KIAA0586: variants seen among roughly 807,000 people sequenced by gnomAD.
KIAA0586 encodes the protein KIAA0586.
Under a neutral mutation model 169.8 loss-of-function variants are expected in KIAA0586, and 144 were observed. That is an observed-to-expected ratio of 0.85 (90% confidence interval 0.74 to 0.97). The LOEUF (loss-of-function observed/expected upper bound fraction) is 0.97, where lower values mean the gene tolerates loss of function less well. Ranked by LOEUF, KIAA0586 falls within the 50% of genes least tolerant of loss-of-function variation. The pLI, the probability that KIAA0586 is intolerant of heterozygous loss-of-function variation, is 0.00. For missense variants in KIAA0586, 1,854 were observed against 1,823.0 expected (o/e 1.02, Z -0.31); for synonymous variants, 625 against 612.4 (o/e 1.02, Z -0.30).
At chr14:58,435,387 T>A (rs1351522569) in intron 4 of KIAA0586, among the ~76,000 whole-genome samples, 1 of 152,226 alleles carries the variant, frequency 6.6e-6, no homozygotes, top group Non-Finnish European at 1.5e-5. Context: ...GGGTACGTAG[T>A]GTTGTACTTA....
At chr14:58,536,295 C>T (rs1411959107) in intron 29 of KIAA0586, among the ~76,000 whole-genome samples, 1 of 151,918 alleles carries the variant, frequency 6.6e-6, no homozygotes, top group African/African-American at 2.4e-5. Context: ...TCAACCCTGC[C>T]CCCCCTTCGC....
At chr14:58,552,004 G>A (rs1446686720), downstream of KIAA0586, among the ~76,000 whole-genome samples, 1 of 152,136 alleles carries the variant, frequency 6.6e-6, no homozygotes, top group Non-Finnish European at 1.5e-5. Context: ...GTGTGGCGTG[G>A]ATCCTCAGGG....
intron 20 of KIAA0586, among the ~76,000 whole-genome samples, chr14:58,481,780 C>G (rs1403093356): frequency 1.3e-5 from 2 of 150,988 alleles, no homozygotes; most frequent in East Asian, 3.9e-4. Context: ...CCCCACCCAC[C>G]CCCATACACG....
chr14:58,514,507 ATGTC>A (rs2044615565), intron 29 of KIAA0586, among the ~76,000 whole-genome samples: 1 of 152,034 alleles, frequency 6.6e-6, no homozygotes, highest in African/African-American at 2.4e-5. Context: ...AGTTTAATAT[ATGTC>A]TATAAAGAAA....
At chr14:58,503,092 T>C (rs1396786003) in intron 27 of KIAA0586, among the ~76,000 whole-genome samples, 1 of 152,152 alleles carries the variant, frequency 6.6e-6, no homozygotes, top group African/African-American at 2.4e-5. Context: ...AAACCTAAAA[T>C]GTAAGCTGTA....
At chr14:58,539,715 T>C (rs1458149451) in intron 29 of KIAA0586, among the ~76,000 whole-genome samples, 3 of 152,306 alleles carry the variant, frequency 2.0e-5, no homozygotes, top group African/African-American at 7.2e-5. Flanking sequence ...TTTGTAATTA[T>C]TAAATTCTTA....
the KIAA0586 span, among the ~76,000 whole-genome samples, chr14:58,560,106 G>T: frequency 6.7e-6 from 1 of 149,450 alleles, no homozygotes; most frequent in Non-Finnish European, 1.5e-5. Context: ...AGCTGAGATT[G>T]TGTCACTGCA....
chr14:58,451,838 C>T (rs1211113851), intron 8 of KIAA0586, among the ~76,000 whole-genome samples: 4 of 152,066 alleles, frequency 2.6e-5, no homozygotes, highest in African/African-American at 9.7e-5. Flanking sequence ...CGCCCGCCAC[C>T]ACGCCTGGCT....
At chr14:58,465,583 T>C (rs1340647509) in intron 14 of KIAA0586, among the ~76,000 whole-genome samples, 1 of 152,214 alleles carries the variant, frequency 6.6e-6, no homozygotes, top group African/African-American at 2.4e-5. Flanking sequence ...ATATTGTCCA[T>C]GGCTTCTTTC....
intron 26 of KIAA0586, among the ~76,000 whole-genome samples, chr14:58,497,757 C>T (rs913953825): frequency 2.0e-5 from 3 of 152,014 alleles, no homozygotes; most frequent in Admixed American, 2.0e-4. Context: ...GTAAAGTTTA[C>T]ACTAACAAAC....
At chr14:58,451,919 G>T (rs1036899352) in intron 8 of KIAA0586, among the ~76,000 whole-genome samples, 2 of 152,126 alleles carry the variant, frequency 1.3e-5, no homozygotes, top group Non-Finnish European at 2.9e-5. Context: ...TCCTGACCTC[G>T]TGATCCACCC....
intron 13 of KIAA0586, among the ~76,000 whole-genome samples, chr14:58,460,296 C>A (rs975069097): frequency 6.6e-6 from 1 of 152,166 alleles, no homozygotes; most frequent in East Asian, 1.9e-4. Context: ...ACCCTGGCAT[C>A]ATGATTTTGT....
intron 11 of KIAA0586, among the ~76,000 whole-genome samples, 157 bp downstream of exon 11, chr14:58,458,136 GAT>G (rs369772715): frequency 6.6e-6 from 1 of 151,540 alleles, no homozygotes. Context: ...TTGGAATTTG[GAT>G]ATATATATAT....
intron 8 of KIAA0586, among the ~76,000 whole-genome samples, chr14:58,452,941 G>A (rs1281238415): frequency 6.6e-6 from 1 of 150,418 alleles, no homozygotes; most frequent in Non-Finnish European, 1.5e-5. Context: ...TTTTGAGATG[G>A]AGTTTCACTC....
intron 25 of KIAA0586, among the ~76,000 whole-genome samples, chr14:58,490,674 G>A (rs2042778742): frequency 6.6e-6 from 1 of 151,892 alleles, no homozygotes; most frequent in South Asian, 2.1e-4. Flanking sequence ...TGAGGTCCAG[G>A]GATGTTAACC....
chr14:58,432,818 A>G (rs1369446066), intron 4 of KIAA0586, among the ~76,000 whole-genome samples: 1 of 152,162 alleles, frequency 6.6e-6, no homozygotes, highest in African/African-American at 2.4e-5. Context: ...CCCAGGTTCA[A>G]GCAATCTCCT....
Position 58,548,757 on chromosome 14 carries a change from G to A in KIAA0586, c.*825G>A, listed in dbSNP as rs2047128137. On this transcript the variant is annotated 3_prime_UTR_variant, in exon 31 of 31. Coordinates refer to ENST00000652326, the MANE Select transcript of KIAA0586 (RefSeq NM_001329943.3). ...AAACCTTTATAAACCTGTGAAACAT[G>A]TAACTCTATTACCTTTTGCAACATA... is the stretch of plus-strand genomic sequence containing the variant. The A allele has an allele frequency of 6.6e-6, 1 of 152,120 alleles. No homozygotes were observed. Among genetic ancestry groups the A allele is most frequent in the South Asian group, 2.1e-4 (1 of 4,828 alleles). 9.4% of individuals were successfully genotyped at this position (152,120 alleles called of 1,614,324 possible). A position where few individuals can be genotyped will look rare whatever the true frequency, so the allele number is the denominator to read the frequency against.
intron 4 of KIAA0586, among the ~76,000 whole-genome samples, chr14:58,442,271 G>A (rs1197031238): frequency 6.6e-6 from 1 of 151,906 alleles, no homozygotes; most frequent in Non-Finnish European, 1.5e-5. Flanking sequence ...CACCACGCCC[G>A]GCTAATTTTT....
At chr14:58,503,433 G>T (rs544300722) in intron 27 of KIAA0586, among the ~76,000 whole-genome samples, 2 of 152,102 alleles carry the variant, frequency 1.3e-5, no homozygotes, top group Non-Finnish European at 2.9e-5. Context: ...TAGCCAGATG[G>T]TAAATTATGA....
Sources: allele counts gnomAD v4.1 joint callset (sites outside exome capture counted in the v4.1 genomes callset), GRCh38; gene constraint gnomAD v4.1.1; transcripts MANE v1.5; gene names NCBI Gene and HGNC (gene_info 2026-07-23, HGNC 2026-07-21).